ZC3H12B: variants seen among roughly 807,000 people sequenced by gnomAD.
The protein encoded by ZC3H12B is zinc finger CCCH-type containing 12B.
A neutral mutation model predicts 43.9 loss-of-function variants in ZC3H12B; 7 were observed. The observed-to-expected ratio is 0.16, with a 90% CI of 0.09 to 0.30. The LOEUF (loss-of-function observed/expected upper bound fraction) is 0.30, where lower values mean the gene tolerates loss of function less well. Among genes scored for constraint, ZC3H12B ranks in the 10% least tolerant of loss-of-function variants. The pLI, the probability that ZC3H12B is intolerant of heterozygous loss-of-function variation, is 1.00. For synonymous variants in ZC3H12B, 222 were observed against 241.7 expected, an observed-to-expected ratio of 0.92 and a Z score of 0.76; for missense variants, 475 against 670.2, an observed-to-expected ratio of 0.71 and a Z score of 3.22.
the ZC3H12B span, among the ~76,000 whole-genome samples, chrX:65,039,056 G>GA: frequency 3.5e-3 from 371 of 105,297 alleles, 2 homozygotes; most frequent in African/African-American, 0.011. Flanking sequence ...TTCAATGTAG[G>GA]AAAAAAAAAA....
intron 1 of ZC3H12B, among the ~76,000 whole-genome samples, chrX:65,492,531 G>A (rs2068220174): frequency 8.9e-6 from 1 of 111,888 alleles, no homozygotes; most frequent in Admixed American, 9.5e-5. Flanking sequence ...AGTAGACCAT[G>A]TAATTTTTTT....
the ZC3H12B span, among the ~76,000 whole-genome samples, chrX:65,212,063 A>ATGTATAATATATAGTATATAT: frequency 2.2e-3 from 136 of 62,064 alleles, no homozygotes; most frequent in African/African-American, 2.4e-3. Context: ...TATATATGTT[A>ATGTATAATATATAGTATATAT]TGTATAATAT....
the ZC3H12B span, among the ~76,000 whole-genome samples, chrX:65,238,876 T>C: frequency 8.9e-6 from 1 of 112,142 alleles, no homozygotes; most frequent in African/African-American, 3.2e-5. Context: ...TTTTCAATCT[T>C]CATGTAGTTG....
chrX:65,507,088 G>A (rs1429396008), exon 5 of ZC3H12B: 1 of 111,904 alleles, frequency 8.9e-6, no homozygotes, highest in Non-Finnish European at 1.9e-5. Context: ...CTTTGGCCCT[G>A]AGTTTTCTTC....
the ZC3H12B span, among the ~76,000 whole-genome samples, chrX:65,132,583 T>A: frequency 9.1e-6 from 1 of 110,372 alleles, no homozygotes; most frequent in African/African-American, 3.3e-5. Flanking sequence ...AGCCTAGGAA[T>A]AGTCAGGGAA....
the ZC3H12B span, among the ~76,000 whole-genome samples, chrX:65,175,914 G>T: frequency 8.9e-6 from 1 of 112,326 alleles, no homozygotes; most frequent in Non-Finnish European, 1.9e-5. Flanking sequence ...GATTCCCACA[G>T]GTGCCTACAC....
chrX:65,227,680 AT>A, the ZC3H12B span, among the ~76,000 whole-genome samples: 1 of 111,380 alleles, frequency 9.0e-6, no homozygotes, highest in Non-Finnish European at 1.9e-5. Context: ...AATAAACACA[AT>A]AAAAAATGAT....
At chrX:65,319,939 AT>A in the ZC3H12B span, among the ~76,000 whole-genome samples, 1 of 111,883 alleles carries the variant, frequency 8.9e-6, no homozygotes, top group Admixed American at 9.5e-5. Flanking sequence ...AATAAGAACC[AT>A]TTGTGGCAAA....
At chrX:65,245,807 C>G in the ZC3H12B span, among the ~76,000 whole-genome samples, 2 of 111,120 alleles carry the variant, frequency 1.8e-5, no homozygotes, top group East Asian at 5.7e-4. Context: ...CCTTCTCTCA[C>G]CACTCCTATT....
chrX:65,357,029 A>G, the ZC3H12B span: 1 of 571,751 alleles, frequency 1.7e-6, no homozygotes, highest in Non-Finnish European at 3.1e-6. Context: ...CCTAAAATGA[A>G]AGTTCCACCT....
At chrX:65,162,486 A>G in the ZC3H12B span, among the ~76,000 whole-genome samples, 6 of 111,017 alleles carry the variant, frequency 5.4e-5, no homozygotes, top group African/African-American at 2.0e-4. Context: ...TTTTTTCTCT[A>G]AACTTCCCTT....
the ZC3H12B span, among the ~76,000 whole-genome samples, chrX:65,133,872 C>T: frequency 9.1e-6 from 1 of 110,359 alleles, no homozygotes; most frequent in South Asian, 4.0e-4. Flanking sequence ...GAGGGAGGGA[C>T]CAATGTGTAA....
the ZC3H12B span, among the ~76,000 whole-genome samples, chrX:65,213,920 T>C: frequency 1.0e-5 from 1 of 99,949 alleles, no homozygotes; most frequent in Non-Finnish European, 1.9e-5. Context: ...CACACACACA[T>C]ATATGTACAC....
chrX:65,259,360 A>C, the ZC3H12B span, among the ~76,000 whole-genome samples: 1 of 112,336 alleles, frequency 8.9e-6, no homozygotes, highest in Non-Finnish European at 1.9e-5. Context: ...GTATAGCCAT[A>C]TGCAGAAGAT....
intron 3 of ZC3H12B, among the ~76,000 whole-genome samples, chrX:65,454,894 G>A (rs1303542178): frequency 1.8e-5 from 2 of 111,909 alleles, no homozygotes; most frequent in East Asian, 2.8e-4. Context: ...CCGGCAAACT[G>A]CAACACACCT....
At chrX:65,353,586 G>A in the ZC3H12B span, among the ~76,000 whole-genome samples, 1 of 111,805 alleles carries the variant, frequency 8.9e-6, no homozygotes, top group Non-Finnish European at 1.9e-5. Context: ...TCATACCCCA[G>A]TGACGCCTGG....
chrX:65,065,242 G>A, the ZC3H12B span, among the ~76,000 whole-genome samples: 2 of 110,696 alleles, frequency 1.8e-5, no homozygotes, highest in African/African-American at 6.7e-5. Context: ...AGTGTTGATA[G>A]TCTTTACAAT....
At chrX:65,278,220 G>A in the ZC3H12B span, among the ~76,000 whole-genome samples, 1 of 111,634 alleles carries the variant, frequency 9.0e-6, no homozygotes, top group Non-Finnish European at 1.9e-5. Flanking sequence ...CACATTCAGT[G>A]ACCTCTGGTT....
At chrX:65,226,179 G>A in the ZC3H12B span, among the ~76,000 whole-genome samples, 5 of 111,721 alleles carry the variant, frequency 4.5e-5, no homozygotes, top group African/African-American at 9.8e-5. Context: ...GAGATCTCTC[G>A]GCAGAAAATC....
Sources: allele counts gnomAD v4.1 joint callset (sites outside exome capture counted in the v4.1 genomes callset), GRCh38; gene constraint gnomAD v4.1.1; transcripts MANE v1.5; gene names NCBI Gene and HGNC (gene_info 2026-07-23, HGNC 2026-07-21).